The following PTPN14 variants were observed in gnomAD, a reference collection of about 807,000 sequenced individuals.
The protein encoded by PTPN14 is tyrosine-protein phosphatase non-receptor type 14.
In PTPN14, 53 loss-of-function variants were observed where a neutral mutation model predicts 126.8. The observed-to-expected ratio is 0.42, with a 90% confidence interval of 0.34 to 0.53. PTPN14 has a LOEUF of 0.53. PTPN14 is among the 20% of genes least tolerant of loss of function. The pLI is 0.08. For missense variants in PTPN14, 1,257 were observed against 1,552.9 expected, an observed-to-expected ratio of 0.81 and a Z score of 3.20; for synonymous variants, 630 against 599.3, an observed-to-expected ratio of 1.05 and a Z score of -0.75.
chr1:214,374,962 T>A (rs1292002657), intron 15 of PTPN14, among the ~76,000 whole-genome samples: 1 of 152,218 alleles, frequency 6.6e-6, no homozygotes, highest in African/African-American at 2.4e-5. Context: ...ATTACTTTGG[T>A]CATTGTTTCA....
chr1:214,449,322 G>A (rs537227585), intron 3 of PTPN14, among the ~76,000 whole-genome samples: 2 of 152,224 alleles, frequency 1.3e-5, no homozygotes, highest in Admixed American at 1.3e-4. Context: ...ATTTTTCTAA[G>A]CTTAAACAAC....
rs370149869 is a variant in PTPN14, at chr1:214,377,962, C to T, written c.2685G>A (p.Glu895=). 53 of 1,612,362 alleles carry T rather than the reference C, an allele frequency of 3.3e-5. No individual in the cohort carries two copies. The highest frequency in any genetic ancestry group is 7.6e-6 in the Non-Finnish European group (9 of 1,179,332). The change falls in exon 14 of 19, where the codon GAG becomes GAA. Residue 895 remains glutamate (E), a synonymous_variant. Transcript: ENST00000366956. ...CATTGACAAGCCTGCCACTTACCCT[C>T]TCGTCCATGGGAACCCGGGTGGCAT... The part of the protein sequence containing the change: ...RVDATRVPMD[E]RFRTLKKKLE...
At chr1:214,506,231 C>T (rs1015104168) in intron 1 of PTPN14, among the ~76,000 whole-genome samples, 4 of 152,150 alleles carry the variant, frequency 2.6e-5, no homozygotes, top group African/African-American at 9.7e-5. Context: ...TGGCCAGGCA[C>T]GGTGGCTCAC....
At chr1:214,369,824 A>G (rs1053711342) in intron 16 of PTPN14, 133 bp from the exon 17 acceptor site, 2 of 744,680 alleles carry the variant, frequency 2.7e-6, no homozygotes, top group African/African-American at 3.5e-5. Flanking sequence ...TGCAGTGTCT[A>G]CCACAGGGTA....
At chr1:214,393,806 T>C (rs1294359116) in intron 9 of PTPN14, 29 bp from the exon 10 acceptor site, 2 of 1,502,116 alleles carry the variant, frequency 1.3e-6, no homozygotes, top group Admixed American at 1.7e-5. Flanking sequence ...GAGAAAAAAA[T>C]AAACATTTGT....
rs773895507 is a variant in PTPN14 at position 214,372,746 on chromosome 1, C to T, written c.3001G>A (p.Gly1001Arg). ...GTGACCATGGCAATCACATTCACTC[C>T]CTGCTCCCACACCATCTGCCAGAAG... is the stretch of plus-strand genomic sequence containing the variant. ...HDFWQMVWEQ[G>R]VNVIAMVTAE... The change falls in exon 16 of 19, where the codon GGA becomes AGA. Residue 1001 changes from glycine to arginine, a missense_variant. By Grantham distance (125) the Gly-to-Arg change is moderately radical. Around this residue, in one of 3 missense-constraint regions of PTPN14, gnomAD observed 65 missense variants for 139.7 expected, o/e 0.47. Transcript: ENST00000366956. The T allele has an allele frequency of 1.5e-5, 24 of 1,613,990 alleles. No individual in the cohort carries two copies. The Admixed American group carries it at 2.8e-4, about 19-fold the overall frequency.
intron 1 of PTPN14, among the ~76,000 whole-genome samples, chr1:214,480,575 G>T (rs1660962693): frequency 6.6e-6 from 1 of 152,168 alleles, no homozygotes; most frequent in South Asian, 2.1e-4. Flanking sequence ...TGAATCTTAG[G>T]CATGGCCCTG....
chr1:214,366,212 G>A (rs1456319200), intron 17 of PTPN14, among the ~76,000 whole-genome samples: 1 of 152,126 alleles, frequency 6.6e-6, no homozygotes, highest in South Asian at 2.1e-4. Flanking sequence ...GAGATGCCGT[G>A]AGATGCATAG....
chr1:214,404,303 T>C (rs1659109683), intron 5 of PTPN14, among the ~76,000 whole-genome samples: 3 of 152,352 alleles, frequency 2.0e-5, no homozygotes, highest in Non-Finnish European at 4.4e-5. Flanking sequence ...CGGGGAATTA[T>C]GGCAGCTCTT....
In PTPN14 at chr1:214,394,035, A is replaced by G. The variant is rs6657368; in HGVS notation, c.847-258T>C. Among the ~76,000 whole-genome samples, 124,737 of 152,204 alleles carry G rather than the reference A, an allele frequency of 0.82. 51,888 individuals carry two copies. Among genetic ancestry groups the G allele is most frequent in the African/African-American group, 0.96 (39,823 of 41,556 alleles). ...AGTGCTGGGGTTACACTGATGAACC[A>G]GCATGTCTTTATGTAATTTCCGACC... On this transcript the variant is annotated intron_variant, in intron 9 of 18. Coordinates refer to ENST00000366956, the MANE Select transcript of PTPN14 (RefSeq NM_005401.5).
chr1:214,442,261 C>T (rs1350013984), intron 3 of PTPN14, among the ~76,000 whole-genome samples: 1 of 152,136 alleles, frequency 6.6e-6, no homozygotes, highest in Non-Finnish European at 1.5e-5. Flanking sequence ...TATACTTACC[C>T]AGTAGAGCAT....
chr1:214,461,569 G>A lies in PTPN14; in HGVS notation c.174+3061C>T, dbSNP rs559300786. On this transcript the variant is annotated intron_variant, in intron 2 of 18. Transcript: ENST00000366956. ...CACTTGAGCTCAGGAGGTTGAGGCTGTAGTGAGTCATGATCGTACCAGTGC... is the reference window on the plus strand; with the variant it reads ...CACTTGAGCTCAGGAGGTTGAGGCTATAGTGAGTCATGATCGTACCAGTGC... 8.6e-5 allele frequency among the ~76,000 whole-genome samples: 13 copies of A among 152,030 alleles called. No homozygotes were observed. The East Asian group carries it at 1.6e-3, about 18-fold the overall frequency.
rs188688772 is a variant in PTPN14 at position 214,376,975 on chromosome 1, T to C, written c.2689-538A>G. 1.6e-3 allele frequency among the ~76,000 whole-genome samples: 244 copies of C among 152,352 alleles called. 1 individual carries two copies. The highest frequency in any genetic ancestry group is 5.5e-3 in the African/African-American group (227 of 41,582). ...TGGCAGAAATCGAACACCCTGGTGT[T>C]ATTAGTACTTTATTACATTTATACA... On this transcript the variant is annotated intron_variant, in intron 14 of 18. Coordinates refer to ENST00000366956, the MANE Select transcript of PTPN14 (RefSeq NM_005401.5).
At chr1:214,398,741 C>A (rs1309601792) in intron 7 of PTPN14, among the ~76,000 whole-genome samples, 1 of 143,068 alleles carries the variant, frequency 7.0e-6, no homozygotes, top group African/African-American at 2.6e-5. Flanking sequence ...CAACAATGTA[C>A]TGTATTCTTG....
chr1:214,452,091 A>C, intron 2 of PTPN14, 117 bp from the exon 3 acceptor site: 1 of 1,111,252 alleles, frequency 9.0e-7, no homozygotes, highest in Non-Finnish European at 1.3e-6. Flanking sequence ...CCCATATATA[A>C]GATCCAGCTT....
Position 214,452,937 on chromosome 1 carries a change from T to G in PTPN14, c.175-963A>C, listed in dbSNP as rs1366056202. Reference sequence around the variant, plus strand: ...TGTTCAATTTCCAAAGGCATTCTTATGCTGATGTTCCCACTCCAGCTGGCT... The same window carrying G: ...TGTTCAATTTCCAAAGGCATTCTTAGGCTGATGTTCCCACTCCAGCTGGCT... On this transcript the variant is annotated intron_variant, in intron 2 of 18. Transcript: ENST00000366956. Among the ~76,000 whole-genome samples the G allele has an allele frequency of 2.6e-5, 4 of 152,218 alleles. No individual in the cohort carries two copies. The East Asian group carries it at 7.7e-4, about 29-fold the overall frequency.
rs1181288741 is a variant in PTPN14 at position 214,393,754 on chromosome 1, A to G, written c.870T>C (p.Tyr290=). The G allele has an allele frequency of 6.2e-7, 1 of 1,601,510 alleles. No homozygotes were observed. Among genetic ancestry groups the G allele is most frequent in the Non-Finnish European group, 8.6e-7 (1 of 1,168,484 alleles). The change falls in exon 10 of 19, where the codon TAT becomes TAC. Residue 290 remains tyrosine (Y), a synonymous_variant. Transcript: ENST00000366956. The part of the protein sequence containing the change: ...FHTDDIENAK[Y]ISRLFATRHK... ...GTCGTGTGGCAAACAACCGAGAAAT[A>G]TACTTGGCATTTTCGATATCATCCT...
intron 1 of PTPN14, among the ~76,000 whole-genome samples, chr1:214,475,378 T>C (rs1431875128): frequency 6.6e-6 from 1 of 152,218 alleles, no homozygotes; most frequent in Non-Finnish European, 1.5e-5. Context: ...TGACAAGTTC[T>C]TTAAAATATA....
intron 1 of PTPN14, among the ~76,000 whole-genome samples, chr1:214,535,503 C>T (rs1168412152): frequency 6.6e-6 from 1 of 152,170 alleles, no homozygotes; most frequent in East Asian, 1.9e-4. Flanking sequence ...CTGGGCTGGG[C>T]ATGGTGGCTC....
Sources: allele counts gnomAD v4.1 joint callset (sites outside exome capture counted in the v4.1 genomes callset), GRCh38; gene constraint gnomAD v4.1.1; regional missense constraint gnomAD v4.1.1; transcripts MANE v1.5; gene names NCBI Gene and HGNC (gene_info 2026-07-23, HGNC 2026-07-21).